QTGAL: variants seen among roughly 807,000 people sequenced by gnomAD.
QTGAL encodes queuosine-tRNA galactosyltransferase.
the QTGAL span, chr17:83,007,362 T>C: frequency 9.3e-6 from 7 of 750,768 alleles, no homozygotes; most frequent in Non-Finnish European, 1.1e-5. Flanking sequence ...GCATCCTGCA[T>C]AGCATCTACC....
At chr17:82,949,342 A>G in the QTGAL span, 3 of 152,260 alleles carry the variant, frequency 2.0e-5, no homozygotes, top group African/African-American at 4.8e-5. Context: ...AAGGTACATC[A>G]GTAAGTAACT....
the QTGAL span, among the ~76,000 whole-genome samples, chr17:82,963,244 A>T: frequency 1.3e-5 from 2 of 152,094 alleles, no homozygotes; most frequent in African/African-American, 4.8e-5. Flanking sequence ...GGAGACTCGG[A>T]TCCTGAGGCA....
At chr17:82,944,860 G>A in the QTGAL span, 1 of 152,164 alleles carries the variant, frequency 6.6e-6, no homozygotes, top group Non-Finnish European at 1.5e-5. Context: ...CAGATCTAAT[G>A]GACCACTATA....
chr17:82,961,344 A>T, the QTGAL span: 2 of 755,412 alleles, frequency 2.6e-6, no homozygotes, highest in African/African-American at 1.9e-5. Context: ...TGGGGCGGCG[A>T]CCACAACAGA....
the QTGAL span, among the ~76,000 whole-genome samples, chr17:82,951,978 TG>T: frequency 6.6e-6 from 1 of 151,638 alleles, no homozygotes; most frequent in African/African-American, 2.4e-5. Flanking sequence ...TGGGGAGACG[TG>T]GAGACGTGGA....
chr17:83,018,047 C>T, the QTGAL span, among the ~76,000 whole-genome samples: 1 of 91,534 alleles, frequency 1.1e-5, no homozygotes, highest in Non-Finnish European at 2.2e-5. Context: ...CCGTGAACAC[C>T]GTGCGCCTGT....
chr17:83,013,200 G>A, the QTGAL span, among the ~76,000 whole-genome samples: 389 of 152,036 alleles, frequency 2.6e-3, 4 homozygotes, highest in South Asian at 7.3e-3. Flanking sequence ...CTGCAGCCAC[G>A]CTGGGGCCAC....
chr17:82,946,836 A>T, the QTGAL span: 2 of 1,434,416 alleles, frequency 1.4e-6, no homozygotes. Flanking sequence ...ATGAAACATA[A>T]TAAAGAAACA....
At chr17:82,965,691 G>A in the QTGAL span, 26 of 1,612,110 alleles carry the variant, frequency 1.6e-5, no homozygotes, top group East Asian at 2.2e-5. Flanking sequence ...GGAGAACCAC[G>A]CTCGCGAGCA....
At chr17:82,960,669 C>T in the QTGAL span, among the ~76,000 whole-genome samples, 1 of 152,190 alleles carries the variant, frequency 6.6e-6, no homozygotes, top group African/African-American at 2.4e-5. Flanking sequence ...ATTCCCTGGC[C>T]GTGCCTCTGC....
the QTGAL span, chr17:82,947,004 A>G: frequency 2.2e-4 from 335 of 1,552,194 alleles, 5 homozygotes; most frequent in East Asian, 8.0e-3. Flanking sequence ...CAGCAGATTC[A>G]GCTCAGTCCG....
At chr17:82,954,637 A>G in the QTGAL span, among the ~76,000 whole-genome samples, 2 of 152,222 alleles carry the variant, frequency 1.3e-5, no homozygotes, top group Non-Finnish European at 2.9e-5. Flanking sequence ...ACTACTTTAA[A>G]TTTCATATGA....
At chr17:83,049,353 A>G in the QTGAL span, among the ~76,000 whole-genome samples, 2 of 151,844 alleles carry the variant, frequency 1.3e-5, no homozygotes, top group South Asian at 4.2e-4. Flanking sequence ...CAGAAACATC[A>G]TTTTGGTTGA....
chr17:83,006,481 A>T, the QTGAL span: 1 of 985,046 alleles, frequency 1.0e-6, no homozygotes, highest in African/African-American at 1.7e-5. The surrounding 1 kb of genome is among the most constrained non-coding windows in gnomAD (Gnocchi z 5.8). Context: ...TCTGGTGGTA[A>T]CATCACGAGG....
the QTGAL span, among the ~76,000 whole-genome samples, chr17:82,946,293 T>G: frequency 6.6e-6 from 1 of 152,254 alleles, no homozygotes; most frequent in Non-Finnish European, 1.5e-5. Context: ...TTAAAACCTC[T>G]GTTAATGACA....
At chr17:83,024,342 C>A in the QTGAL span, among the ~76,000 whole-genome samples, 3 of 150,312 alleles carry the variant, frequency 2.0e-5, no homozygotes, top group Non-Finnish European at 4.4e-5. Flanking sequence ...CCTAGAGGTG[C>A]TGCTCCACGG....
At chr17:82,955,983 C>T in the QTGAL span, among the ~76,000 whole-genome samples, 11 of 150,390 alleles carry the variant, frequency 7.3e-5, no homozygotes, top group Non-Finnish European at 1.6e-4. Context: ...AAACATCACA[C>T]ACTGGGACCT....
the QTGAL span, among the ~76,000 whole-genome samples, chr17:83,041,683 A>G: frequency 1.3e-5 from 2 of 152,218 alleles, no homozygotes; most frequent in Admixed American, 6.5e-5. Context: ...GGGGCCTGGG[A>G]GCTGTGACTC....
the QTGAL span, among the ~76,000 whole-genome samples, chr17:82,995,993 A>C: frequency 6.6e-6 from 1 of 152,194 alleles, no homozygotes; most frequent in Non-Finnish European, 1.5e-5. Context: ...CATTTACAAC[A>C]GTGATAACTA....
Sources: allele counts gnomAD v4.1 joint callset (sites outside exome capture counted in the v4.1 genomes callset), GRCh38; gene constraint gnomAD v4.1.1; non-coding constraint Gnocchi (gnomAD v3.1); transcripts MANE v1.5; gene names NCBI Gene and HGNC (gene_info 2026-07-23, HGNC 2026-07-21).